The following AAAS variants were observed in gnomAD, a reference collection of about 807,000 sequenced individuals.
AAAS encodes the protein aladin WD repeat nucleoporin, also known as aladin.
AAAS carries 60 observed loss-of-function variants against 75.6 expected under a neutral mutation model. That is an observed-to-expected ratio of 0.79 (90% CI 0.64 to 0.98). The LOEUF (loss-of-function observed/expected upper bound fraction) is 0.98. Ranked by LOEUF, AAAS falls within the 50% of genes least tolerant of loss-of-function variation. The probability of loss-of-function intolerance (pLI) is 0.00; values close to 1 mark genes in which losing one functional copy is unlikely to be tolerated. For missense variants in AAAS, 658 were observed against 686.9 expected (o/e 0.96, Z 0.47); for synonymous variants, 271 against 265.0 (o/e 1.02, Z -0.22).
At position 53,315,808 on chromosome 12, in the gene AAAS, A is replaced by T. The variant is rs896715484; in HGVS notation, c.252-26T>A. On this transcript the variant is annotated intron_variant, in intron 2 of 15. Transcript: ENST00000209873. Reference sequence around the variant, plus strand: ...CTGATAAGGGAGGAAAATGTGGGTCAGCTTACTCTGATCCCCTCTGTCCCT... The same window carrying T: ...CTGATAAGGGAGGAAAATGTGGGTCTGCTTACTCTGATCCCCTCTGTCCCT... 3.1e-6 allele frequency: 5 copies of T among 1,611,892 alleles called. No homozygotes were observed. The Admixed American group carries it at 5.0e-5, about 16-fold the overall frequency.
chr12:53,319,802 C>CAAA (rs11339214), intron 2 of AAAS, among the ~76,000 whole-genome samples: 1 of 19,608 alleles, frequency 5.1e-5, no homozygotes, highest in Non-Finnish European at 1.1e-4. Context: ...GACTCCGTCT[C>CAAA]AAAAAAAAAA....
Position 53,315,442 on chromosome 12 carries a change from A to G in AAAS, c.308-16T>C. The G allele has an allele frequency of 6.2e-7, 1 of 1,607,774 alleles. No individual in the cohort carries two copies. Among genetic ancestry groups the G allele is most frequent in the Non-Finnish European group, 8.5e-7 (1 of 1,176,668 alleles). Reference sequence around the variant, plus strand: ...CACTCAAACACTGTAGGGTTGAGGAAGCAGCTCTGATTAAACCATTCACAG... The same window carrying G: ...CACTCAAACACTGTAGGGTTGAGGAGGCAGCTCTGATTAAACCATTCACAG... On this transcript the variant is annotated splice_polypyrimidine_tract_variant and intron_variant, in intron 3 of 15. Transcript: ENST00000209873.
intron 7 of AAAS, among the ~76,000 whole-genome samples, chr12:53,312,494 G>A (rs1394465018): frequency 2.0e-5 from 3 of 151,524 alleles, no homozygotes; most frequent in East Asian, 2.0e-4. Context: ...GAACCCGGGA[G>A]GCTGAGGTTG....
chr12:53,321,164 G>A (rs1944547993), intron 1 of AAAS, 179 bp downstream of exon 1: 5 of 949,532 alleles, frequency 5.3e-6, no homozygotes, highest in African/African-American at 1.7e-5. Context: ...CCGTTCCCCC[G>A]TTATACTCCA....
chr12:53,320,418 A>C, intron 2 of AAAS, 147 bp downstream of exon 2: 1 of 1,168,968 alleles, frequency 8.6e-7, no homozygotes, highest in African/African-American at 1.5e-5. Flanking sequence ...AATAAGGACT[A>C]AAAATTTCAT....
chr12:53,321,158 T>C, intron 1 of AAAS, 185 bp downstream of exon 1: 3 of 874,836 alleles, frequency 3.4e-6, no homozygotes, highest in Non-Finnish European at 5.1e-6. Context: ...CCTTAACCGT[T>C]CCCCCGTTAT....
At chr12:53,320,006 G>C (rs1944528498) in intron 2 of AAAS, among the ~76,000 whole-genome samples, 1 of 151,800 alleles carries the variant, frequency 6.6e-6, no homozygotes, top group Non-Finnish European at 1.5e-5. Context: ...TGTAATCCTA[G>C]CTACTCGGGA....
chr12:53,313,951 T>C (rs922466380), intron 7 of AAAS, among the ~76,000 whole-genome samples: 1 of 152,170 alleles, frequency 6.6e-6, no homozygotes. Context: ...TATTTTTAGT[T>C]AGTTTTCACA....
rs761064558 is a variant in AAAS at position 53,308,070 on chromosome 12, A to G, written c.1313T>C (p.Val438Ala). ...ILLFRTRNSP[V>A]FELLPCGIIQ... Reference sequence around the variant, plus strand: ...CACTTACCAGGGAAGGAGCTCAAACACAGGGCTGTTTCGAGTGCGAAAAAG... The same window carrying G: ...CACTTACCAGGGAAGGAGCTCAAACGCAGGGCTGTTTCGAGTGCGAAAAAG... Residue 438 changes from valine to alanine, a missense_variant, in exon 14 of 16, where the codon GTG becomes GCG. Physicochemically the swap from Val to Ala is moderately conservative, Grantham distance 64 (BLOSUM62 0). Transcript: ENST00000209873. 9.3e-6 allele frequency: 15 copies of G among 1,614,234 alleles called. No individual in the cohort carries two copies. The East Asian group carries it at 3.3e-4, about 36-fold the overall frequency.
In AAAS at chr12:53,307,680, G is replaced by C. The variant is rs764298213; in HGVS notation, c.1450C>G (p.Leu484Val). 1 of 1,614,178 alleles carries C rather than the reference G, an allele frequency of 6.2e-7. No individual in the cohort carries two copies. The highest frequency in any genetic ancestry group is 8.5e-7 in the Non-Finnish European group (1 of 1,180,054). The change falls in exon 16 of 16, where the codon CTG (leucine) becomes GTG (valine). Residue 484 changes from leucine (L) to valine (V), a missense_variant. Coordinates refer to ENST00000209873, the MANE Select transcript of AAAS (RefSeq NM_015665.6). ...GGAAACTGGGCATTGACAAAGTACA[G>C]CGGGATGTGGGCAATTCGGCCTGTG... is the stretch of plus-strand genomic sequence containing the variant. ...WSTGRIAHIP[L>V]YFVNAQFPRF...
Position 53,315,393 on chromosome 12 carries a change from GC to G in AAAS, c.340del (p.Ala114ProfsTer26). 1 of 1,613,954 alleles carries G rather than the reference GC, an allele frequency of 6.2e-7. No individual in the cohort carries two copies. The highest frequency in any genetic ancestry group is 2.2e-5 in the East Asian group (1 of 44,884). On this transcript the variant is annotated frameshift_variant, in exon 4 of 16. Coordinates refer to ENST00000209873, the MANE Select transcript of AAAS (RefSeq NM_015665.6). LOFTEE classifies it high-confidence loss of function. ...FEWVKTASGW[A>X]LALCRWASSL... ...AGAGGCCCATCGACAGAGTGCCAGG[GC>G]CCAGCCGGATGCCGTCTTCACCCAC...
Position 53,314,855 on chromosome 12 carries a change from G to A in AAAS, c.447-6C>T. On this transcript the variant is annotated splice_polypyrimidine_tract_variant and splice_region_variant and intron_variant, in intron 5 of 15. Transcript: ENST00000209873. The stretch of plus-strand genomic sequence containing the variant: ...CACGCAAGCAGCAGCTGGACCTAAG[G>A]AAGGGGTTAACATGAAGAGTTCCTG... 6.2e-7 allele frequency: 1 copy of A among 1,612,472 alleles called. No individual in the cohort carries two copies. Among genetic ancestry groups the A allele is most frequent in the Non-Finnish European group, 8.5e-7 (1 of 1,179,224 alleles).
intron 7 of AAAS, 123 bp from the exon 8 acceptor site, chr12:53,309,844 T>C: frequency 1.4e-6 from 2 of 1,451,950 alleles, no homozygotes; most frequent in Admixed American, 4.0e-5. Context: ...CAAATCCAGG[T>C]TGTGAAAAAG....
Position 53,315,715 on chromosome 12 carries a change from A to C in AAAS, c.307+12T>G, listed in dbSNP as rs933467926. The C allele has an allele frequency of 1.5e-5, 24 of 1,613,150 alleles. No individual in the cohort carries two copies. Among genetic ancestry groups the C allele is most frequent in the Non-Finnish European group, 2.0e-5 (24 of 1,179,522 alleles). ...CACAAAACTAGGGAAGGCTGGAGGG[A>C]AAAATACTTACCCTCTTCTTCTGAG... On this transcript the variant is annotated intron_variant, in intron 3 of 15. Coordinates refer to ENST00000209873, the MANE Select transcript of AAAS (RefSeq NM_015665.6).
intron 1 of AAAS, chr12:53,320,941 C>T (rs1944544234): frequency 3.6e-6 from 2 of 559,528 alleles, no homozygotes; most frequent in Non-Finnish European, 6.3e-6. Flanking sequence ...ACACCTGACT[C>T]AGCCTCTTTC....
chr12:53,311,225 T>C (rs1397772800), intron 7 of AAAS, among the ~76,000 whole-genome samples: 1 of 152,176 alleles, frequency 6.6e-6, no homozygotes, highest in East Asian at 1.9e-4. Flanking sequence ...ATTACACGCA[T>C]GAGCCATCAC....
chr12:53,310,297 C>T (rs570167698), intron 7 of AAAS, among the ~76,000 whole-genome samples: 170 of 152,306 alleles, frequency 1.1e-3, no homozygotes, highest in African/African-American at 3.9e-3. Context: ...CAGTGGCTCA[C>T]GCCTGTAATC....
chr12:53,318,200 A>T (rs534013262), intron 2 of AAAS, among the ~76,000 whole-genome samples: 2 of 141,586 alleles, frequency 1.4e-5, no homozygotes, highest in South Asian at 4.5e-4. Context: ...TAATTTTTAA[A>T]TTTTTTGTAG....
intron 7 of AAAS, among the ~76,000 whole-genome samples, chr12:53,312,997 C>T (rs1944413728): frequency 6.6e-6 from 1 of 151,442 alleles, no homozygotes. Flanking sequence ...GCTGAGACTA[C>T]AGGCGAGCAC....
Sources: allele counts gnomAD v4.1 joint callset (sites outside exome capture counted in the v4.1 genomes callset), GRCh38; gene constraint gnomAD v4.1.1; transcripts MANE v1.5; gene names NCBI Gene and HGNC (gene_info 2026-07-23, HGNC 2026-07-21).